The following TTC29 variants were observed in gnomAD, a reference collection of about 807,000 sequenced individuals.
TTC29 encodes the protein tetratricopeptide repeat protein 29.
TTC29 carries 49 observed loss-of-function variants against 58.1 expected under a neutral mutation model. That is an observed-to-expected ratio of 0.84 (90% CI 0.67 to 1.07). The LOEUF (loss-of-function observed/expected upper bound fraction) is 1.07. Among genes scored for constraint, TTC29 ranks in the 50% least tolerant of loss-of-function variants. The pLI, the probability that TTC29 is intolerant of heterozygous loss-of-function variation, is 0.00. For missense variants in TTC29, 582 were observed against 555.6 expected (o/e 1.05, Z -0.48); for synonymous variants, 209 against 196.8 (o/e 1.06, Z -0.52).
At position 146,707,529 on chromosome 4, in the gene TTC29, C is replaced by T. The variant is rs1442689610; in HGVS notation, c.1353G>A (p.Val451=). The T allele has an allele frequency of 6.2e-7, 1 of 1,607,688 alleles. No individual in the cohort carries two copies. Among genetic ancestry groups the T allele is most frequent in the Non-Finnish European group, 8.5e-7 (1 of 1,177,422 alleles). The part of the protein sequence containing the change: ...PVTEEFRGST[V]EAVSQNSERL... ...GTTCTGAGTTTTGAGATACAGCTTC[C>T]ACTGTGGATCCTCTAAACTCTTCTA... The change falls in exon 12 of 13, where the codon GTG becomes GTA. Residue 451 remains valine, a synonymous_variant. Transcript: ENST00000325106.
intron 11 of TTC29, among the ~76,000 whole-genome samples, chr4:146,728,764 T>TATATATACAC (rs1364712324): frequency 7.7e-6 from 1 of 130,260 alleles, no homozygotes; most frequent in Admixed American, 8.1e-5. Flanking sequence ...TATATGTACA[T>TATATATACAC]ATATATACAC....
chr4:146,745,864 T>C (rs1745501853), intron 11 of TTC29, among the ~76,000 whole-genome samples: 1 of 152,268 alleles, frequency 6.6e-6, no homozygotes, highest in Non-Finnish European at 1.5e-5. Flanking sequence ...AATTTGTTTT[T>C]CCTTTTGCTT....
chr4:146,880,207 A>G (rs2150231362), intron 6 of TTC29, among the ~76,000 whole-genome samples: 1 of 152,298 alleles, frequency 6.6e-6, no homozygotes, highest in Admixed American at 6.5e-5. Flanking sequence ...TTAGGAGAAC[A>G]CTGTGAACAA....
At chr4:146,792,318 T>G (rs570776474) in intron 11 of TTC29, among the ~76,000 whole-genome samples, 1 of 152,294 alleles carries the variant, frequency 6.6e-6, no homozygotes, top group South Asian at 2.1e-4. Context: ...TCAGGGTCCT[T>G]AAGAATTATG....
At chr4:146,736,469 C>A (rs1308923688) in intron 11 of TTC29, among the ~76,000 whole-genome samples, 2 of 152,148 alleles carry the variant, frequency 1.3e-5, no homozygotes, top group African/African-American at 4.8e-5. Context: ...GCATGTAAAT[C>A]TGCCTTTCAA....
At chr4:146,761,727 A>C (rs1290442953) in intron 11 of TTC29, among the ~76,000 whole-genome samples, 1 of 66,180 alleles carries the variant, frequency 1.5e-5, no homozygotes, top group African/African-American at 6.0e-5. Context: ...ACTCTTTTTT[A>C]GTATGGTGTA....
At chr4:146,878,852 T>G (rs1731438651) in intron 6 of TTC29, among the ~76,000 whole-genome samples, 1 of 152,156 alleles carries the variant, frequency 6.6e-6, no homozygotes, top group Admixed American at 6.6e-5. Context: ...TATATCTGAA[T>G]TCTCTGCTCT....
intron 11 of TTC29, among the ~76,000 whole-genome samples, chr4:146,782,177 CACTTAA>C (rs1223278685): frequency 1.3e-5 from 2 of 151,740 alleles, no homozygotes; most frequent in African/African-American, 4.8e-5. Context: ...ACACAGAAGA[CACTTAA>C]ACTTCTACTC....
intron 11 of TTC29, among the ~76,000 whole-genome samples, chr4:146,708,357 C>CATGTATATATATATATATATATATATAT (rs1561047198): frequency 3.0e-4 from 5 of 16,812 alleles, no homozygotes; most frequent in African/African-American, 6.9e-4. Flanking sequence ...TATATATATA[C>CATGTATATATATATATATATATATATAT]ACATGTATGT....
At chr4:146,934,344 C>T (rs1460275131) in intron 4 of TTC29, 2 of 152,114 alleles carry the variant, frequency 1.3e-5, no homozygotes, top group Non-Finnish European at 1.5e-5. Flanking sequence ...CAAGGTAAGA[C>T]TCAAGGCTGC....
At chr4:146,708,183 T>C (rs1742127757) in intron 11 of TTC29, among the ~76,000 whole-genome samples, 1 of 151,708 alleles carries the variant, frequency 6.6e-6, no homozygotes, top group South Asian at 2.1e-4. Flanking sequence ...TGTGATATAA[T>C]AAAATGGCTA....
intron 5 of TTC29, among the ~76,000 whole-genome samples, chr4:146,905,349 T>A (rs1560704262): frequency 6.7e-6 from 1 of 149,580 alleles, no homozygotes; most frequent in Non-Finnish European, 1.5e-5. Flanking sequence ...TAATTAAAAA[T>A]ATATGTAGTC....
At chr4:146,876,231 G>T (rs1374238863) in intron 6 of TTC29, among the ~76,000 whole-genome samples, 1 of 152,182 alleles carries the variant, frequency 6.6e-6, no homozygotes. Context: ...ATATGTTACA[G>T]GGTAGGTGCT....
At chr4:146,928,066 C>A (rs138404270) in intron 4 of TTC29, among the ~76,000 whole-genome samples, 1 of 151,974 alleles carries the variant, frequency 6.6e-6, no homozygotes, top group Non-Finnish European at 1.5e-5. Flanking sequence ...CTAATACAGT[C>A]GAGCCATTTA....
chr4:146,936,920 C>T (rs1735875107), intron 4 of TTC29, among the ~76,000 whole-genome samples: 1 of 151,910 alleles, frequency 6.6e-6, no homozygotes, highest in Non-Finnish European at 1.5e-5. Flanking sequence ...TTTTTCAATA[C>T]TTACATGAAA....
chr4:146,937,979 A>G (rs1262801000), intron 3 of TTC29, among the ~76,000 whole-genome samples: 1 of 151,940 alleles, frequency 6.6e-6, no homozygotes, highest in Non-Finnish European at 1.5e-5. Flanking sequence ...TTTTGCTCAC[A>G]TTTTTTCGTG....
chr4:146,932,937 A>G (rs1486506306), intron 4 of TTC29, among the ~76,000 whole-genome samples: 1 of 152,110 alleles, frequency 6.6e-6, no homozygotes, highest in African/African-American at 2.4e-5. Context: ...GGACGCCTGT[A>G]GTCCCAGCTA....
intron 4 of TTC29, among the ~76,000 whole-genome samples, chr4:146,932,976 T>G (rs879653681): frequency 2.6e-5 from 4 of 151,708 alleles, no homozygotes; most frequent in Non-Finnish European, 4.4e-5. Flanking sequence ...GAGAATGGCT[T>G]GAACCTGGGA....
chr4:146,843,511 G>T (rs1449434282), intron 8 of TTC29, among the ~76,000 whole-genome samples: 1 of 152,120 alleles, frequency 6.6e-6, no homozygotes, highest in Non-Finnish European at 1.5e-5. Flanking sequence ...AGTGGAGGCT[G>T]TATGGTCAAG....
Sources: gnomAD v4.1 joint callset for allele counts (sites outside exome capture counted in the v4.1 genomes callset) on GRCh38, gnomAD v4.1.1 for gene constraint, MANE v1.5 for transcripts, NCBI Gene and HGNC (gene_info 2026-07-23, HGNC 2026-07-21) for gene names.